Variants in ZNF385D observed in about 807,000 individuals in gnomAD.
ZNF385D encodes the protein zinc finger protein 659.
ZNF385D carries 15 observed loss-of-function variants against 35.8 expected under a neutral mutation model. The observed-to-expected ratio is 0.42, with a 90% confidence interval of 0.28 to 0.64. ZNF385D has a LOEUF of 0.64. ZNF385D is among the 30% of genes least tolerant of loss of function. ZNF385D has a pLI of 0.23. For missense variants in ZNF385D, 474 were observed against 494.6 expected, an observed-to-expected ratio of 0.96 and a Z score of 0.39; for synonymous variants, 212 against 186.8, an observed-to-expected ratio of 1.13 and a Z score of -1.10.
intron 2 of ZNF385D, among the ~76,000 whole-genome samples, chr3:22,286,823 G>C (rs551969303): frequency 1.3e-5 from 2 of 152,136 alleles, no homozygotes; most frequent in East Asian, 3.9e-4. Context: ...AATCATCCAC[G>C]TGCACATGAG....
At chr3:22,265,639 T>A (rs1032724048) in intron 2 of ZNF385D, among the ~76,000 whole-genome samples, 39 of 152,008 alleles carry the variant, frequency 2.6e-4, no homozygotes, top group African/African-American at 8.4e-4. Context: ...GAGTCAGCAG[T>A]CTGAAGTCAC....
chr3:21,583,278 G>C (rs2063718001), intron 2 of ZNF385D, among the ~76,000 whole-genome samples: 1 of 152,156 alleles, frequency 6.6e-6, no homozygotes, highest in Non-Finnish European at 1.5e-5. Context: ...CAAGCACATT[G>C]AGAAACACTG....
At chr3:22,075,821 T>C (rs758898029) in intron 3 of ZNF385D, among the ~76,000 whole-genome samples, 6 of 152,050 alleles carry the variant, frequency 3.9e-5, no homozygotes, top group East Asian at 1.9e-4. Context: ...CGCAGGAACA[T>C]TTCTATCTTC....
chr3:21,483,632 T>A (rs1335896233), intron 4 of ZNF385D, among the ~76,000 whole-genome samples: 10 of 152,176 alleles, frequency 6.6e-5, no homozygotes, highest in African/African-American at 2.2e-4. Flanking sequence ...TGTAGAGGTA[T>A]CTTATAATGT....
At position 21,610,294 on chromosome 3, in the gene ZNF385D, CTCCTT is replaced by C. The variant is rs138532133; in HGVS notation, c.166-45615_166-45611del. Among the ~76,000 whole-genome samples, 359 of 152,242 alleles carry C rather than the reference CTCCTT, an allele frequency of 2.4e-3. 15 individuals are homozygous for C. In the East Asian group the frequency reaches 0.059, roughly 25 times the overall value. On this transcript the variant is annotated intron_variant, in intron 2 of 7. Transcript: ENST00000281523. ...AATACAAAGATGTGACTCTAAAACT[CTCCTT>C]CCCTTCCTGGATTAAGCAATAGAGC... is the stretch of plus-strand genomic sequence containing the variant.
At chr3:22,308,121 AGAGT>A (rs966697077) in intron 2 of ZNF385D, among the ~76,000 whole-genome samples, 1 of 152,116 alleles carries the variant, frequency 6.6e-6, no homozygotes, top group African/African-American at 2.4e-5. Flanking sequence ...GGTGAACTGA[AGAGT>A]GAGTGCAACT....
chr3:22,334,136 G>T (rs1413207814), intron 2 of ZNF385D, among the ~76,000 whole-genome samples: 2 of 151,990 alleles, frequency 1.3e-5, no homozygotes, highest in African/African-American at 4.8e-5. Flanking sequence ...ATTTACTGTA[G>T]TTCTCTTAGA....
At chr3:22,225,193 A>G (rs1489754156) in intron 2 of ZNF385D, among the ~76,000 whole-genome samples, 2 of 152,166 alleles carry the variant, frequency 1.3e-5, no homozygotes, top group African/African-American at 4.8e-5. Flanking sequence ...TGAGTAGAAT[A>G]TGCCCTTAGG....
At chr3:22,265,988 G>A (rs187981988) in intron 2 of ZNF385D, among the ~76,000 whole-genome samples, 223 of 151,830 alleles carry the variant, frequency 1.5e-3, no homozygotes, top group African/African-American at 4.8e-3. Context: ...TTCTATACTG[G>A]GACCAGCTAA....
intron 3 of ZNF385D, among the ~76,000 whole-genome samples, chr3:22,109,873 C>A (rs1043090145): frequency 2.0e-5 from 3 of 152,114 alleles, no homozygotes; most frequent in African/African-American, 7.2e-5. Context: ...TTTTTGCAAT[C>A]TACTCATCTG....
At chr3:21,918,602 GA>G (rs1431460881) in intron 3 of ZNF385D, among the ~76,000 whole-genome samples, 1 of 152,110 alleles carries the variant, frequency 6.6e-6, no homozygotes, top group Non-Finnish European at 1.5e-5. Flanking sequence ...GCATACATGA[GA>G]GGAAAAGTGA....
chr3:22,271,844 GGCTTACAATGGTTCAATTTACAATTTTT>G (rs1483035562), intron 2 of ZNF385D, among the ~76,000 whole-genome samples: 5 of 151,778 alleles, frequency 3.3e-5, no homozygotes, highest in Non-Finnish European at 5.9e-5. Context: ...GATGGTCCCT[GGCTTACAATGGTTCAATTTACAATTTTT>G]AGACTTTACA....
At position 21,602,517 on chromosome 3, in the gene ZNF385D, C is replaced by CTT. The variant is rs746138066; in HGVS notation, c.166-37835_166-37834dup. Reference sequence around the variant, plus strand: ...TAGGTCTCCTGTTTCCCTGCATTTTCTTTTTTTTTTTTTTTTTTTTTTTTT... The same window carrying CTT: ...TAGGTCTCCTGTTTCCCTGCATTTTCTTTTTTTTTTTTTTTTTTTTTTTTTTT... On this transcript the variant is annotated intron_variant, in intron 2 of 7. Coordinates refer to ENST00000281523, the MANE Select transcript of ZNF385D (RefSeq NM_024697.3). Among the ~76,000 whole-genome samples the CTT allele has an allele frequency of 5.2e-3, 326 of 62,706 alleles. 60 individuals are homozygous for CTT. Among genetic ancestry groups the CTT allele is most frequent in the African/African-American group, 0.017 (230 of 13,236 alleles). 41.1% of individuals were successfully genotyped at this position (62,706 alleles called of 152,430 possible).
chr3:22,172,274 T>G (rs1349051763), intron 2 of ZNF385D, among the ~76,000 whole-genome samples: 2 of 152,110 alleles, frequency 1.3e-5, no homozygotes, highest in African/African-American at 4.8e-5. Context: ...AATGAGGTGT[T>G]TGTTTGTGTG....
intron 3 of ZNF385D, among the ~76,000 whole-genome samples, chr3:21,521,305 T>C (rs1707886424): frequency 6.6e-6 from 1 of 152,190 alleles, no homozygotes; most frequent in East Asian, 1.9e-4. Flanking sequence ...ACCTGAACTC[T>C]TTTGGTGGAG....
chr3:22,030,496 AGT>A (rs1389991277), intron 3 of ZNF385D, among the ~76,000 whole-genome samples: 4 of 151,100 alleles, frequency 2.6e-5, no homozygotes, highest in African/African-American at 9.7e-5. Flanking sequence ...AGAGAAAGAG[AGT>A]GAGAGAGTGC....
intron 3 of ZNF385D, among the ~76,000 whole-genome samples, chr3:21,985,000 T>A (rs12509891): frequency 1.3e-4 from 19 of 143,780 alleles, no homozygotes; most frequent in South Asian, 4.7e-4. Flanking sequence ...TGCCTGTGAT[T>A]TTTGTACATT....
At chr3:22,086,824 A>G (rs1273492618) in intron 3 of ZNF385D, among the ~76,000 whole-genome samples, 1 of 152,100 alleles carries the variant, frequency 6.6e-6, no homozygotes, top group African/African-American at 2.4e-5. Context: ...TGAGCAAACT[A>G]TTGCAAGGAC....
chr3:21,524,963 T>G (rs983429431), intron 3 of ZNF385D, among the ~76,000 whole-genome samples: 5 of 148,836 alleles, frequency 3.4e-5, no homozygotes, highest in Non-Finnish European at 7.4e-5. Context: ...CATAGAATTC[T>G]TTTTCTCTCT....
Sources: allele counts gnomAD v4.1 joint callset (sites outside exome capture counted in the v4.1 genomes callset), GRCh38; gene constraint gnomAD v4.1.1; transcripts MANE v1.5; gene names NCBI Gene and HGNC (gene_info 2026-07-23, HGNC 2026-07-21).